THSD4: variants seen among roughly 807,000 people sequenced by gnomAD.
THSD4 encodes thrombospondin type-1 domain-containing protein 4.
THSD4 carries 69 observed loss-of-function variants against 119.0 expected under a neutral mutation model. That is an observed-to-expected ratio of 0.58 (90% CI 0.48 to 0.71). THSD4 has a LOEUF of 0.71. Ranked by LOEUF, THSD4 falls within the 30% of genes least tolerant of loss-of-function variation. The probability of loss-of-function intolerance (pLI) is 0.00; values close to 1 mark genes in which losing one functional copy is unlikely to be tolerated. For missense variants in THSD4, 1,393 were observed against 1,391.1 expected (o/e 1.00, Z -0.02); for synonymous variants, 524 against 540.4 (o/e 0.97, Z 0.42).
At chr15:71,768,150 A>G (rs1025089232) in intron 16 of THSD4, among the ~76,000 whole-genome samples, 4 of 152,152 alleles carry the variant, frequency 2.6e-5, no homozygotes, top group African/African-American at 9.7e-5. Flanking sequence ...TGCTGAGGGA[A>G]TATGATAGAA....
intron 7 of THSD4, among the ~76,000 whole-genome samples, chr15:71,600,270 C>T (rs2049982089): frequency 6.6e-6 from 1 of 152,194 alleles, no homozygotes; most frequent in South Asian, 2.1e-4. Flanking sequence ...TCAAATCTTA[C>T]CATCTTTACT....
intron 8 of THSD4, among the ~76,000 whole-genome samples, chr15:71,723,020 G>A (rs2052751949): frequency 6.6e-6 from 1 of 151,184 alleles, no homozygotes. Flanking sequence ...TGTGTGGATG[G>A]CCAGTGTTAG....
chr15:71,384,652 TCTG>T (rs1566963979), intron 6 of THSD4, among the ~76,000 whole-genome samples: 1 of 152,232 alleles, frequency 6.6e-6, no homozygotes, highest in East Asian at 1.9e-4. Flanking sequence ...CTTAGAAGCA[TCTG>T]CACATCAATA....
chr15:71,125,509 A>G (rs1231647906), intron 1 of THSD4, among the ~76,000 whole-genome samples: 1 of 152,240 alleles, frequency 6.6e-6, no homozygotes, highest in Non-Finnish European at 1.5e-5. Flanking sequence ...TAACCTTTTT[A>G]AATGGAAACA....
At chr15:71,522,050 A>G (rs55916644) in intron 7 of THSD4, among the ~76,000 whole-genome samples, 41,003 of 152,052 alleles carry the variant, frequency 0.27, 6,515 homozygotes, top group Middle Eastern at 0.43. Context: ...TCATCAGTTC[A>G]CTGTTACAAT....
intron 15 of THSD4, 26 bp from the exon 16 acceptor site, chr15:71,764,994 T>A (rs757850896): frequency 1.1e-5 from 17 of 1,602,784 alleles, no homozygotes; most frequent in Non-Finnish European, 1.4e-5. Flanking sequence ...CATGTGACAC[T>A]CATCTTTTTC....
rs1411309076 is a variant in THSD4 at position 71,115,823 on chromosome 15, TG to T, written c.-80+128del. ...GGGCGGGCTGGCGCGGGCTACCCAG[TG>T]GGTGTGTCCGGGGCGCCGCGGGCTG... On this transcript the variant is annotated intron_variant, in intron 1 of 17. Coordinates refer to ENST00000261862, the MANE Select transcript of THSD4 (RefSeq NM_024817.3). This position sits in a 1 kb window ranked among gnomAD's most constrained non-coding sequence, Gnocchi z 4.4. 6.6e-6 allele frequency: 1 copy of T among 151,070 alleles called. No homozygotes were observed. Among genetic ancestry groups the T allele is most frequent in the Non-Finnish European group, 1.5e-5 (1 of 67,664 alleles). The allele number at this position is 151,070 out of a possible 1,614,324, so 9.4% of individuals were successfully genotyped here. A position where few individuals can be genotyped will look rare whatever the true frequency, so the allele number is the denominator to read the frequency against.
At chr15:71,646,658 C>G (rs544741438) in intron 7 of THSD4, among the ~76,000 whole-genome samples, 2 of 152,210 alleles carry the variant, frequency 1.3e-5, no homozygotes, top group East Asian at 3.9e-4. Flanking sequence ...ATCATAAAAC[C>G]AACCCAGTAA....
intron 6 of THSD4, among the ~76,000 whole-genome samples, chr15:71,287,550 C>T (rs983575): frequency 0.26 from 39,170 of 152,032 alleles, 5,474 homozygotes; most frequent in East Asian, 0.56. Flanking sequence ...TCAAGCTTCA[C>T]GTGGTGAAGA....
intron 14 of THSD4, among the ~76,000 whole-genome samples, chr15:71,753,051 G>C (rs2053477630): frequency 6.6e-6 from 1 of 152,194 alleles, no homozygotes; most frequent in African/African-American, 2.4e-5. Context: ...GAAAATTAAA[G>C]TTCGCAAACA....
chr15:71,439,168 G>A (rs2140551235), intron 7 of THSD4, among the ~76,000 whole-genome samples: 1 of 152,332 alleles, frequency 6.6e-6, no homozygotes, highest in East Asian at 1.9e-4. Flanking sequence ...GGCGGCTCTT[G>A]AGGAACCGTC....
At chr15:71,111,738 A>G (rs991223680), upstream of THSD4, 25 of 520,026 alleles carry the variant, frequency 4.8e-5, 1 homozygote, top group Middle Eastern at 3.5e-3. Context: ...CCACTTCCAA[A>G]TGCTAGCAAC....
intron 6 of THSD4, among the ~76,000 whole-genome samples, chr15:71,328,382 TG>T (rs1262649332): frequency 6.6e-6 from 1 of 152,240 alleles, no homozygotes; most frequent in Non-Finnish European, 1.5e-5. Context: ...ATTTTGCTGG[TG>T]GCTTTGCCCT....
intron 6 of THSD4, among the ~76,000 whole-genome samples, chr15:71,388,942 G>A (rs2046331569): frequency 6.6e-6 from 1 of 152,120 alleles, no homozygotes; most frequent in African/African-American, 2.4e-5. Flanking sequence ...CTGTTCTCAT[G>A]GTAGTGAATA....
chr15:71,731,049 C>A, intron 9 of THSD4, 72 bp from the exon 10 acceptor site: 2 of 1,427,050 alleles, frequency 1.4e-6, no homozygotes, highest in South Asian at 1.2e-5. Context: ...AGTAGTTCTG[C>A]AAATGCCATT....
chr15:71,184,956 C>T (rs573836706), intron 3 of THSD4, among the ~76,000 whole-genome samples: 1 of 151,768 alleles, frequency 6.6e-6, no homozygotes, highest in South Asian at 2.1e-4. Context: ...GAACACTAAA[C>T]CCATTTCTTC....
chr15:71,402,955 A>G (rs1458827768), intron 6 of THSD4, among the ~76,000 whole-genome samples: 1 of 152,188 alleles, frequency 6.6e-6, no homozygotes, highest in Non-Finnish European at 1.5e-5. Flanking sequence ...AAGCTCTTCT[A>G]AATTGTGTAC....
chr15:71,636,775 CCT>C (rs1390891567), intron 7 of THSD4, among the ~76,000 whole-genome samples: 1 of 152,182 alleles, frequency 6.6e-6, no homozygotes, highest in Non-Finnish European at 1.5e-5. Flanking sequence ...CAGCCTCCCA[CCT>C]CTCTCCTCAG....
At chr15:71,485,687 A>C (rs918699275) in intron 7 of THSD4, among the ~76,000 whole-genome samples, 2 of 150,786 alleles carry the variant, frequency 1.3e-5, no homozygotes, top group African/African-American at 4.9e-5. Flanking sequence ...GCTCTTAAGA[A>C]AAAAAAAAAG....
Sources: allele counts gnomAD v4.1 joint callset (sites outside exome capture counted in the v4.1 genomes callset), GRCh38; gene constraint gnomAD v4.1.1; non-coding constraint Gnocchi (gnomAD v3.1); transcripts MANE v1.5; gene names NCBI Gene and HGNC (gene_info 2026-07-23, HGNC 2026-07-21).